Variants in SMPDL3A observed in about 807,000 individuals in gnomAD.
The protein encoded by SMPDL3A is sphingomyelin phosphodiesterase acid like 3A.
SMPDL3A carries 39 observed loss-of-function variants against 38.5 expected under a neutral mutation model. The observed-to-expected ratio is 1.01, with a 90% CI of 0.78 to 1.32. The LOEUF is 1.32. Among genes scored for constraint, SMPDL3A ranks in the 40% most tolerant of loss-of-function variants. The pLI, the probability that SMPDL3A is intolerant of heterozygous loss-of-function variation, is 0.00. For synonymous variants in SMPDL3A, 180 were observed against 194.3 expected (o/e 0.93, Z 0.61); for missense variants, 502 against 536.2 (o/e 0.94, Z 0.63).
At chr6:122,801,244 AGT>A (rs1781420714) in intron 3 of SMPDL3A, 64 bp from the exon 4 acceptor site, 1 of 1,083,442 alleles carries the variant, frequency 9.2e-7, no homozygotes, top group Non-Finnish European at 1.4e-6. Flanking sequence ...GTGCTCAAGT[AGT>A]GTTTACATTA....
chr6:122,806,354 AT>A lies in SMPDL3A; in HGVS notation c.1043del (p.Leu348TrpfsTer8), dbSNP rs1781620888. The part of the protein sequence containing the change: ...FQYDPRDYKL[L>X]DMLQYYLNLT... ...AGTATGATCCTCGTGATTATAAATT[AT>A]TGGTAAGTTGGCAGATTTCAGAGCT... On this transcript the variant is annotated frameshift_variant and splice_region_variant, in exon 7 of 8. Coordinates refer to ENST00000368440, the MANE Select transcript of SMPDL3A (RefSeq NM_006714.5). LOFTEE classifies it low-confidence loss of function (END_TRUNC). The A allele has an allele frequency of 6.2e-7, 1 of 1,603,304 alleles. No individual in the cohort carries two copies. The highest frequency in any genetic ancestry group is 1.3e-5 in the African/African-American group (1 of 74,746).
At chr6:122,789,606 G>C (rs938521809) in intron 1 of SMPDL3A, 148 bp downstream of exon 1, 5 of 823,780 alleles carry the variant, frequency 6.1e-6, no homozygotes, top group East Asian at 5.8e-5. Context: ...CGTTGACCAC[G>C]GCTGGTGGGC....
chr6:122,805,000 A>C lies in SMPDL3A; in HGVS notation c.830A>C (p.Asp277Ala). The change falls in exon 6 of 8, where the codon GAT (aspartate) becomes GCT (alanine). Residue 277 changes from aspartate to alanine, a missense_variant. Transcript: ENST00000368440. ...MREYYNEKLIDIFQKYSDVIA... is the reference protein window; with the variant it reads ...MREYYNEKLIAIFQKYSDVIA... The stretch of plus-strand genomic sequence containing the variant: ...GAATACTATAATGAGAAATTGATAG[A>C]TATTTTTCAAAAATACAGTGATGTC... The C allele has an allele frequency of 6.2e-7, 1 of 1,613,432 alleles. No individual in the cohort carries two copies. The highest frequency in any genetic ancestry group is 8.5e-7 in the Non-Finnish European group (1 of 1,179,680).
intron 7 of SMPDL3A, 34 bp from the exon 8 acceptor site, chr6:122,809,057 G>C (rs746020939): frequency 1.9e-6 from 3 of 1,551,912 alleles, no homozygotes; most frequent in Non-Finnish European, 2.7e-6. Flanking sequence ...GTGCCAAAAA[G>C]TGAACCAGGT....
At chr6:122,790,453 G>A (rs1302887385) in intron 1 of SMPDL3A, among the ~76,000 whole-genome samples, 1 of 152,216 alleles carries the variant, frequency 6.6e-6, no homozygotes, top group Non-Finnish European at 1.5e-5. Context: ...CAAAATTAGA[G>A]AAGTGGGGTT....
At chr6:122,799,793 A>G (rs1781366328) in intron 3 of SMPDL3A, among the ~76,000 whole-genome samples, 1 of 152,202 alleles carries the variant, frequency 6.6e-6, no homozygotes, top group African/African-American at 2.4e-5. Context: ...CTTCTTGAAA[A>G]ATAACTTTTG....
At chr6:122,797,368 G>A (rs532964774) in intron 3 of SMPDL3A, 93 of 159,590 alleles carry the variant, frequency 5.8e-4, no homozygotes, top group Non-Finnish European at 7.6e-4. Flanking sequence ...GACCTACAAG[G>A]ATGTGCATAC....
intron 5 of SMPDL3A, 23 bp from the exon 6 acceptor site, chr6:122,804,886 C>A (rs762920164): frequency 5.1e-6 from 8 of 1,580,880 alleles, no homozygotes; most frequent in Non-Finnish European, 6.8e-6. Flanking sequence ...TCTCATGAGG[C>A]CTTTTTGTGT....
chr6:122,807,697 T>C (rs1471020186), intron 7 of SMPDL3A, among the ~76,000 whole-genome samples: 1 of 142,008 alleles, frequency 7.0e-6, no homozygotes, highest in African/African-American at 2.5e-5. Flanking sequence ...AAAGCCATTA[T>C]TGGTATAACT....
At chr6:122,808,603 CT>C (rs1781721025) in intron 7 of SMPDL3A, among the ~76,000 whole-genome samples, 3 of 96,122 alleles carry the variant, frequency 3.1e-5, no homozygotes, top group African/African-American at 9.2e-5. Context: ...TCCTCCCTCC[CT>C]CCCTCCCTTC....
At chr6:122,807,276 A>C (rs894498140) in intron 7 of SMPDL3A, among the ~76,000 whole-genome samples, 1 of 152,146 alleles carries the variant, frequency 6.6e-6, no homozygotes, top group Admixed American at 6.5e-5. Context: ...AGTTGGGTGG[A>C]TCACGAGGTC....
At chr6:122,797,713 G>A (rs1157572734) in intron 3 of SMPDL3A, among the ~76,000 whole-genome samples, 1 of 152,140 alleles carries the variant, frequency 6.6e-6, no homozygotes, top group Non-Finnish European at 1.5e-5. Flanking sequence ...GCTTGTTTTT[G>A]TAAATAAAGT....
intron 7 of SMPDL3A, among the ~76,000 whole-genome samples, chr6:122,807,088 G>C (rs1020802622): frequency 4.0e-5 from 6 of 151,420 alleles, no homozygotes; most frequent in South Asian, 2.1e-4. Flanking sequence ...AGATGGGGGG[G>C]GGGGGTCTCC....
At chr6:122,799,839 T>C (rs1260281403) in intron 3 of SMPDL3A, among the ~76,000 whole-genome samples, 2 of 152,126 alleles carry the variant, frequency 1.3e-5, no homozygotes, top group African/African-American at 4.8e-5. Flanking sequence ...ATTTTACCAA[T>C]GTACAGAAGT....
chr6:122,805,101 CTG>C lies in SMPDL3A; in HGVS notation c.919+16_919+17del, dbSNP rs1781566073. On this transcript the variant is annotated intron_variant, in intron 6 of 7. Transcript: ENST00000368440. Reference sequence around the variant, plus strand: ...TTCAGATAAAAAAGGTAATGTAATGCTGTGTTTGCATCTCCCCAGTCTAAGAG... The same window carrying C: ...TTCAGATAAAAAAGGTAATGTAATGCTGTTTGCATCTCCCCAGTCTAAGAG... 2.5e-6 allele frequency: 4 copies of C among 1,586,842 alleles called. No homozygotes were observed. Among genetic ancestry groups the C allele is most frequent in the Non-Finnish European group, 8.6e-7 (1 of 1,168,140 alleles).
At chr6:122,789,594 G>A (rs1258344111) in intron 1 of SMPDL3A, 136 bp downstream of exon 1, 4 of 867,060 alleles carry the variant, frequency 4.6e-6, no homozygotes, top group Non-Finnish European at 5.3e-6. Flanking sequence ...TGACGCGTCC[G>A]GCGTTGACCA....
At chr6:122,805,634 T>G (rs936291673) in intron 6 of SMPDL3A, among the ~76,000 whole-genome samples, 20 of 152,254 alleles carry the variant, frequency 1.3e-4, no homozygotes, top group Non-Finnish European at 2.1e-4. Context: ...GTTTTTTTGT[T>G]TTGTTGTTGA....
chr6:122,805,259 A>G (rs1048086444), intron 6 of SMPDL3A, among the ~76,000 whole-genome samples, 170 bp downstream of exon 6: 3 of 152,320 alleles, frequency 2.0e-5, no homozygotes, highest in Admixed American at 6.5e-5. Context: ...CCAAATCACA[A>G]CATTAGGCCT....
At chr6:122,806,500 T>G in intron 7 of SMPDL3A, 143 bp downstream of exon 7, 1 of 854,848 alleles carries the variant, frequency 1.2e-6, no homozygotes. Flanking sequence ...TTTTTTATAC[T>G]TGCAATGTTA....
Sources: gnomAD v4.1 joint callset for allele counts (sites outside exome capture counted in the v4.1 genomes callset) on GRCh38, gnomAD v4.1.1 for gene constraint, MANE v1.5 for transcripts, NCBI Gene and HGNC (gene_info 2026-07-23, HGNC 2026-07-21) for gene names.